VMP1: variants seen among roughly 807,000 people sequenced by gnomAD.
The protein encoded by VMP1 is ectopic P-granules autophagy protein 3 homolog.
A neutral mutation model predicts 56.0 loss-of-function variants in VMP1; 11 were observed. The ratio of observed to expected loss-of-function variants is 0.20; its 90% CI spans 0.12 to 0.32. VMP1 has a LOEUF of 0.32. Ranked by LOEUF, VMP1 falls within the 10% of genes least tolerant of loss-of-function variation. The pLI is 1.00. For synonymous variants in VMP1, 149 were observed against 165.0 expected, an observed-to-expected ratio of 0.90 and a Z score of 0.74; for missense variants, 296 against 490.3, an observed-to-expected ratio of 0.60 and a Z score of 3.74.
chr17:59,764,333 AT>A (rs576220166), intron 5 of VMP1, among the ~76,000 whole-genome samples: 1 of 151,482 alleles, frequency 6.6e-6, no homozygotes, highest in Non-Finnish European at 1.5e-5. Flanking sequence ...AACACAAGGG[AT>A]TTTTTTTTAT....
chr17:59,768,582 G>A (rs1214072594), intron 6 of VMP1, among the ~76,000 whole-genome samples: 12 of 151,540 alleles, frequency 7.9e-5, no homozygotes. Context: ...CAGCCTGGGC[G>A]ACAGAGCAAC....
intron 7 of VMP1, among the ~76,000 whole-genome samples, chr17:59,791,184 C>CTTTTTTTT (rs200633751): frequency 7.5e-6 from 1 of 133,664 alleles, no homozygotes; most frequent in Non-Finnish European, 1.5e-5. Flanking sequence ...TCCCAGTTCC[C>CTTTTTTTT]TTTTTTTTTT....
chr17:59,759,537 A>G (rs192138006), intron 5 of VMP1, among the ~76,000 whole-genome samples: 2 of 152,320 alleles, frequency 1.3e-5, no homozygotes, highest in East Asian at 1.9e-4. Flanking sequence ...ATTTGTTCCT[A>G]TGAATCTCTG....
At chr17:59,824,022 G>C (rs376232214) in intron 10 of VMP1, among the ~76,000 whole-genome samples, 22 of 152,264 alleles carry the variant, frequency 1.4e-4, no homozygotes, top group African/African-American at 5.3e-4. Flanking sequence ...CCGGCACTTT[G>C]GGCAGATCAC....
At chr17:59,788,108 A>C (rs1410831745) in intron 7 of VMP1, among the ~76,000 whole-genome samples, 2 of 152,212 alleles carry the variant, frequency 1.3e-5, no homozygotes, top group Non-Finnish European at 2.9e-5. Flanking sequence ...TGAAAATACG[A>C]GGTTAATGCA....
chr17:59,819,301 T>C (rs1463865878), intron 10 of VMP1, among the ~76,000 whole-genome samples: 2 of 152,152 alleles, frequency 1.3e-5, no homozygotes, highest in African/African-American at 4.8e-5. Flanking sequence ...CCTTATTTTT[T>C]ATTTATTTAT....
At chr17:59,800,297 A>G (rs934654980) in intron 7 of VMP1, among the ~76,000 whole-genome samples, 1 of 152,200 alleles carries the variant, frequency 6.6e-6, no homozygotes, top group Non-Finnish European at 1.5e-5. Flanking sequence ...ATAACAAGTT[A>G]TTGTTTCAGA....
chr17:59,804,469 T>G lies in VMP1; in HGVS notation c.715-4327T>G, dbSNP rs114578299. ...TCTCTACTAAAAATACAAAAAATCA[T>G]CCGGGCGTTGCGGTGTGTGCCTGTA... On this transcript the variant is annotated intron_variant, in intron 7 of 11. Transcript: ENST00000262291. Among the ~76,000 whole-genome samples, 285 of 151,416 alleles carry G rather than the reference T, an allele frequency of 1.9e-3. 1 individual carries two copies. The highest frequency in any genetic ancestry group is 6.6e-3 in the African/African-American group (271 of 41,266).
intron 5 of VMP1, among the ~76,000 whole-genome samples, chr17:59,750,964 G>C (rs2035620164): frequency 8.4e-6 from 1 of 119,036 alleles, no homozygotes; most frequent in Admixed American, 1.0e-4. Flanking sequence ...ACAGAGTCTA[G>C]CTCTGTCACC....
At chr17:59,713,330 A>G (rs2034006169) in intron 1 of VMP1, among the ~76,000 whole-genome samples, 1 of 152,082 alleles carries the variant, frequency 6.6e-6, no homozygotes, top group East Asian at 1.9e-4. Flanking sequence ...CAGCACACCA[A>G]CATGGCACAT....
At chr17:59,710,024 T>G (rs1172324795) in intron 1 of VMP1, among the ~76,000 whole-genome samples, 1 of 151,926 alleles carries the variant, frequency 6.6e-6, no homozygotes, top group African/African-American at 2.4e-5. Context: ...AGTGAAACCC[T>G]GTCTCTACTA....
At chr17:59,801,090 AAATATAT>A (rs2037630248) in intron 7 of VMP1, among the ~76,000 whole-genome samples, 2 of 117,076 alleles carry the variant, frequency 1.7e-5, no homozygotes, top group African/African-American at 8.2e-5. Flanking sequence ...GAAAAAAAAA[AAATATAT>A]ATATATATAT....
At chr17:59,725,974 G>T (rs1439288907) in intron 1 of VMP1, among the ~76,000 whole-genome samples, 1 of 152,148 alleles carries the variant, frequency 6.6e-6, no homozygotes, top group Non-Finnish European at 1.5e-5. Context: ...GTAAAACAAT[G>T]ACACTATGGG....
intron 10 of VMP1, among the ~76,000 whole-genome samples, chr17:59,824,762 A>G (rs188398270): frequency 6.7e-6 from 1 of 150,144 alleles, no homozygotes; most frequent in African/African-American, 2.5e-5. Context: ...AGTCCCAGCT[A>G]CTCAAGAGGC....
chr17:59,713,162 G>A (rs1450668332), intron 1 of VMP1, among the ~76,000 whole-genome samples: 2 of 151,696 alleles, frequency 1.3e-5, no homozygotes, highest in Non-Finnish European at 2.9e-5. Context: ...GTGGGTAGGT[G>A]TAGGGAGAAA....
chr17:59,754,046 A>G (rs985626990), intron 5 of VMP1, among the ~76,000 whole-genome samples: 1 of 152,164 alleles, frequency 6.6e-6, no homozygotes, highest in African/African-American at 2.4e-5. Flanking sequence ...AATTAGATAC[A>G]AAGAAAATTG....
At chr17:59,751,943 TA>T (rs2035668139) in intron 5 of VMP1, among the ~76,000 whole-genome samples, 1 of 151,948 alleles carries the variant, frequency 6.6e-6, no homozygotes, top group Non-Finnish European at 1.5e-5. Context: ...GCCTCCCAGG[TA>T]GCTGGGACTA....
intron 7 of VMP1, among the ~76,000 whole-genome samples, chr17:59,807,302 A>G (rs113411051): frequency 0.15 from 22,445 of 149,470 alleles, 2,201 homozygotes; most frequent in African/African-American, 0.28. Context: ...GGTTTGCACC[A>G]TTCTCCTGCC....
At position 59,813,188 on chromosome 17, in the gene VMP1, A is replaced by G. The variant is rs1282114897; in HGVS notation, c.912+1402A>G. ...CTCAGAATTTCATGATGTTTTTCCT[A>G]CTTCAAAGAATATATTTCCTCCCAT... On this transcript the variant is annotated intron_variant, in intron 9 of 11. Transcript: ENST00000262291. Among the ~76,000 whole-genome samples the G allele has an allele frequency of 2.0e-5, 3 of 152,174 alleles. No individual in the cohort carries two copies. The East Asian group carries it at 5.8e-4, about 29-fold the overall frequency.
Sources: allele counts gnomAD v4.1 joint callset (sites outside exome capture counted in the v4.1 genomes callset), GRCh38; gene constraint gnomAD v4.1.1; transcripts MANE v1.5; gene names NCBI Gene and HGNC (gene_info 2026-07-23, HGNC 2026-07-21).